Variants in ATM observed in about 807,000 individuals in gnomAD.
ATM encodes the protein ATM serine/threonine kinase, also known as serine-protein kinase ATM.
A neutral mutation model predicts 387.0 loss-of-function variants in ATM; 308 were observed. The ratio of observed to expected loss-of-function variants is 0.80; its 90% CI spans 0.73 to 0.87. The LOEUF (loss-of-function observed/expected upper bound fraction) is 0.87. Among genes scored for constraint, ATM ranks in the 40% least tolerant of loss-of-function variants. ATM has a pLI of 0.00. For synonymous variants in ATM, 1,156 were observed against 1,187.3 expected, an observed-to-expected ratio of 0.97 and a Z score of 0.54; for missense variants, 3,312 against 3,560.9, an observed-to-expected ratio of 0.93 and a Z score of 1.78.
chr11:108,325,225 A>G, intron 45 of ATM, 85 bp from the exon 46 acceptor site: 2 of 897,308 alleles, frequency 2.2e-6, no homozygotes, highest in South Asian at 1.5e-5. Context: ...ATAATATTAT[A>G]TCGTAAGTTC....
chr11:108,247,335 C>A (rs1195908780), intron 8 of ATM, among the ~76,000 whole-genome samples: 2 of 152,144 alleles, frequency 1.3e-5, no homozygotes, highest in Non-Finnish European at 2.9e-5. Context: ...TGAAAACTAA[C>A]AATGAACTTT....
chr11:108,237,899 GTTTTTTTTTTT>G (rs369161623), intron 5 of ATM, among the ~76,000 whole-genome samples: 1 of 92,046 alleles, frequency 1.1e-5, no homozygotes, highest in Non-Finnish European at 2.0e-5. Context: ...ATTTACTTAG[GTTTTTTTTTTT>G]TTTTTTTTTT....
intron 9 of ATM, among the ~76,000 whole-genome samples, chr11:108,249,700 G>A (rs1296156571): frequency 6.6e-6 from 1 of 152,172 alleles, no homozygotes; most frequent in Non-Finnish European, 1.5e-5. Context: ...GAGAGGTTAA[G>A]CAACTTCTGT....
Position 108,294,951 on chromosome 11 carries a change from A to G in ATM, c.4801A>G (p.Ser1601Gly), listed in dbSNP as rs876660520. 1 of 1,613,828 alleles carries G rather than the reference A, an allele frequency of 6.2e-7. No individual in the cohort carries two copies. The highest frequency in any genetic ancestry group is 8.5e-7 in the Non-Finnish European group (1 of 1,179,844). ...GGAAATTAACCATTTTCTCTCAGTA[A>G]GTGTTTATGATGCACTTCCATTGAC... ...LEEINHFLSV[S>G]VYDALPLTRL... Residue 1601 changes from serine to glycine, a missense_variant, in exon 32 of 63, where the codon AGT becomes GGT. Ser to Gly is a moderately conservative substitution (Grantham distance 56, BLOSUM62 0). Around this residue, in one of 4 missense-constraint regions of ATM, gnomAD observed 1,405 missense variants for 1,604.4 expected, o/e 0.88. Coordinates refer to ENST00000675843, the MANE Select transcript of ATM (RefSeq NM_000051.4).
chr11:108,357,272 C>G (rs1400781069), intron 61 of ATM, among the ~76,000 whole-genome samples: 1 of 152,226 alleles, frequency 6.6e-6, no homozygotes, highest in Non-Finnish European at 1.5e-5. Context: ...GATTATATCC[C>G]GCAGCTGGCT....
chr11:108,238,895 A>G lies in ATM; in HGVS notation c.496+3061A>G, dbSNP rs140499847. ...ATTAAGTGCATTCATATTGTTGTGT[A>G]ATCATCTCCACCATCCATCTCCAGA... On this transcript the variant is annotated intron_variant, in intron 5 of 62. Transcript: ENST00000675843. Among the ~76,000 whole-genome samples the G allele has an allele frequency of 9.7e-3, 1,484 of 152,292 alleles. 9 individuals are homozygous for G. Among genetic ancestry groups the G allele is most frequent in the Middle Eastern group, 0.017 (5 of 294 alleles).
At chr11:108,347,190 C>T (rs1464761819) in intron 58 of ATM, 89 bp from the exon 59 acceptor site, 1 of 1,005,812 alleles carries the variant, frequency 9.9e-7, no homozygotes, top group Non-Finnish European at 1.6e-6. Context: ...AAGATTATAC[C>T]AAGTCAGTGG....
At chr11:108,343,930 T>A (rs2087939910) in intron 57 of ATM, among the ~76,000 whole-genome samples, 1 of 152,248 alleles carries the variant, frequency 6.6e-6, no homozygotes, top group Admixed American at 6.5e-5. Flanking sequence ...ATTTATTGTA[T>A]GTTTTCTGTC....
intron 37 of ATM, among the ~76,000 whole-genome samples, chr11:108,306,231 G>A (rs1192865347): frequency 6.6e-6 from 1 of 151,796 alleles, no homozygotes; most frequent in Non-Finnish European, 1.5e-5. Context: ...AGACATAGAT[G>A]CCCATCCTGT....
At chr11:108,295,182 C>A in intron 32 of ATM, 123 bp downstream of exon 32, 1 of 1,301,822 alleles carries the variant, frequency 7.7e-7, no homozygotes, top group Non-Finnish European at 1.1e-6. Flanking sequence ...TTAGTTCAGA[C>A]CCTCATTTCT....
Position 108,310,283 on chromosome 11 carries a change from A to G in ATM, c.5886A>G (p.Ala1962=), listed in dbSNP as rs1057522876. 1.9e-6 allele frequency: 3 copies of G among 1,613,456 alleles called. No homozygotes were observed. The African/African-American group carries it at 4.0e-5, about 22-fold the overall frequency. ...FTALLYAEIY[A]DKKSMDDQEK... ...CTTTACTCTATGCAGAAATCTATGC[A>G]GATAAGAAAAGTATGGATGATCAAG... Residue 1962 remains alanine, a synonymous_variant, in exon 39 of 63, where the codon GCA becomes GCG. Transcript: ENST00000675843.
At chr11:108,224,017 G>T (rs2078616741) in intron 1 of ATM, 1 of 152,266 alleles carries the variant, frequency 6.6e-6, no homozygotes, top group Non-Finnish European at 1.5e-5. Flanking sequence ...ATGAGCGGAA[G>T]AAGAGATATC....
rs2080953381 is a variant in ATM at position 108,262,413 on chromosome 11, C to G, written c.2466+3338C>G. On this transcript the variant is annotated intron_variant, in intron 16 of 62. Coordinates refer to ENST00000675843, the MANE Select transcript of ATM (RefSeq NM_000051.4). ...TCATAAGTGAAGGAGAAATAAAATA[C>G]TTTACAGACAAGCAAATGCTGAGAG... Among the ~76,000 whole-genome samples the G allele has an allele frequency of 2.0e-5, 3 of 152,210 alleles. No individual in the cohort carries two copies. In the South Asian group the frequency reaches 6.2e-4, roughly 31 times the overall value.
Position 108,244,773 on chromosome 11 carries a change from T to C in ATM, c.663-15T>C, listed in dbSNP as rs768484720. ...CCCCTGTTATACCCAGTTGAGCTTG[T>C]TTGTTTCTTCACAGACAAGAAAAGA... On this transcript the variant is annotated splice_polypyrimidine_tract_variant and intron_variant, in intron 6 of 62. Coordinates refer to ENST00000675843, the MANE Select transcript of ATM (RefSeq NM_000051.4). 1.9e-6 allele frequency: 3 copies of C among 1,598,446 alleles called. No homozygotes were observed. Among genetic ancestry groups the C allele is most frequent in the Non-Finnish European group, 1.7e-6 (2 of 1,166,094 alleles).
At chr11:108,329,400 GT>G (rs2086023978) in intron 49 of ATM, 162 bp downstream of exon 49, 1 of 708,294 alleles carries the variant, frequency 1.4e-6, no homozygotes, top group Non-Finnish European at 2.3e-6. Flanking sequence ...GTTCTTTTCG[GT>G]TTTTGTTTTT....
chr11:108,348,435 A>C (rs896719100), intron 59 of ATM, among the ~76,000 whole-genome samples: 1 of 150,920 alleles, frequency 6.6e-6, no homozygotes, highest in Non-Finnish European at 1.5e-5. Flanking sequence ...ATATATAAGA[A>C]AGAAAGAATA....
rs774021068 is a variant in ATM at position 108,267,353 on chromosome 11, A to ATTTAC, written c.2638+13_2638+17dup. 6.2e-7 allele frequency: 1 copy of ATTTAC among 1,612,816 alleles called. No homozygotes were observed. On this transcript the variant is annotated intron_variant, in intron 17 of 62. Transcript: ENST00000675843. ...GCCAAAGTACCATAGGTAAATACAT[A>ATTTAC]TTTACTACTTGGGATTTCTTTTACT...
intron 7 of ATM, among the ~76,000 whole-genome samples, chr11:108,246,184 A>G: frequency 6.6e-6 from 1 of 152,142 alleles, no homozygotes. Flanking sequence ...TCTAATAAGT[A>G]TATCTAGATA....
In ATM at chr11:108,321,400, C is replaced by T. The variant is rs565124064; in HGVS notation, c.6552C>T (p.Ser2184=). The T allele has an allele frequency of 1.4e-5, 22 of 1,614,126 alleles. No individual in the cohort carries two copies. In the South Asian group the frequency reaches 2.2e-4, roughly 16 times the overall value. ...SRLQAIGELE[S]IGELFSRSVT... ...TGCAGGCCATTGGAGAGCTGGAAAG[C>T]ATTGGGGAGCTTTTCTCAAGGTATG... Residue 2184 remains serine, a synonymous_variant, in exon 45 of 63, where the codon AGC becomes AGT. Transcript: ENST00000675843.
Sources: allele counts gnomAD v4.1 joint callset (sites outside exome capture counted in the v4.1 genomes callset), GRCh38; gene constraint gnomAD v4.1.1; regional missense constraint gnomAD v4.1.1; transcripts MANE v1.5; gene names NCBI Gene and HGNC (gene_info 2026-07-23, HGNC 2026-07-21).